Variants in SNX13 observed in about 807,000 individuals in gnomAD.
SNX13 encodes sorting nexin 13, also known as sorting nexin-13.
A neutral mutation model predicts 133.6 loss-of-function variants in SNX13; 45 were observed. The observed-to-expected ratio is 0.34, with a 90% confidence interval of 0.27 to 0.43. The LOEUF is 0.43. Ranked by LOEUF, SNX13 falls within the 20% of genes least tolerant of loss-of-function variation. The pLI, the probability that SNX13 is intolerant of heterozygous loss-of-function variation, is 1.00. For synonymous variants in SNX13, 414 were observed against 373.9 expected (o/e 1.11, Z -1.24); for missense variants, 1,032 against 1,145.1 (o/e 0.90, Z 1.43).
chr7:17,816,507 C>A (rs572926894), intron 18 of SNX13, among the ~76,000 whole-genome samples: 1 of 152,076 alleles, frequency 6.6e-6, no homozygotes, highest in South Asian at 2.1e-4. Flanking sequence ...ACTAAAAATA[C>A]AAAATTAGCT....
intron 1 of SNX13, among the ~76,000 whole-genome samples, chr7:17,912,865 C>T (rs1424803911): frequency 2.0e-5 from 3 of 152,128 alleles, no homozygotes; most frequent in South Asian, 2.1e-4. Context: ...AATTGAGTGG[C>T]GAGTGTGGAA....
At chr7:17,938,200 T>A (rs1005435342) in intron 1 of SNX13, among the ~76,000 whole-genome samples, 1 of 152,256 alleles carries the variant, frequency 6.6e-6, no homozygotes, top group Admixed American at 6.5e-5. Flanking sequence ...AAGTCTTTTT[T>A]AAGTAATAAT....
chr7:17,816,485 G>A (rs1251767096), intron 18 of SNX13, among the ~76,000 whole-genome samples, 196 bp from the exon 19 acceptor site: 2 of 152,156 alleles, frequency 1.3e-5, no homozygotes, highest in East Asian at 3.9e-4. Flanking sequence ...AACATAGAGA[G>A]ACCCTGTCTC....
intron 7 of SNX13, 21 bp downstream of exon 7, chr7:17,875,459 A>C (rs750642572): frequency 3.8e-6 from 6 of 1,598,448 alleles, no homozygotes; most frequent in Middle Eastern, 1.7e-4. Flanking sequence ...TATTGTCAAA[A>C]AAGTTAAATT....
intron 1 of SNX13, among the ~76,000 whole-genome samples, chr7:17,915,484 A>AC (rs1350433724): frequency 6.6e-6 from 1 of 152,212 alleles, no homozygotes; most frequent in East Asian, 1.9e-4. Context: ...CAACCGACAA[A>AC]CAACCCCAGG....
chr7:17,888,608 G>C (rs1368766912), intron 5 of SNX13: 1 of 458,712 alleles, frequency 2.2e-6, no homozygotes, highest in Non-Finnish European at 4.5e-6. Context: ...GTGTTGGATG[G>C]CATAAAAACT....
At chr7:17,821,790 G>T in intron 17 of SNX13, 142 bp from the exon 18 acceptor site, 1 of 899,572 alleles carries the variant, frequency 1.1e-6, no homozygotes, top group Non-Finnish European at 1.6e-6. Flanking sequence ...ATGACAGACT[G>T]AGACAGAAGG....
At chr7:17,808,444 A>G (rs558245884) in intron 20 of SNX13, among the ~76,000 whole-genome samples, 2 of 152,348 alleles carry the variant, frequency 1.3e-5, no homozygotes, top group East Asian at 3.9e-4. Flanking sequence ...TCCAAGAAAT[A>G]TGAGACTATG....
Position 17,940,411 on chromosome 7 carries a change from T to G in SNX13, c.-116A>C. On this transcript the variant is annotated 5_prime_UTR_variant, in exon 1 of 26. Coordinates refer to ENST00000428135, the MANE Select transcript of SNX13 (RefSeq NM_015132.5). ...GGCGGCAACTGCTCCTTCAGTCTTC[T>G]CCCGGGCGGCGGTTTTACTCGGCTT... The G allele has an allele frequency of 1.6e-6, 2 of 1,248,632 alleles. No homozygotes were observed. The highest frequency in any genetic ancestry group is 1.1e-6 in the Non-Finnish European group (1 of 877,008). The allele number at this position is 1,248,632 out of a possible 1,614,324, so 77.3% of individuals were successfully genotyped here.
At chr7:17,798,537 G>C (rs927652069) in intron 24 of SNX13, among the ~76,000 whole-genome samples, 153 bp downstream of exon 24, 4 of 151,814 alleles carry the variant, frequency 2.6e-5, no homozygotes, top group Admixed American at 6.6e-5. Flanking sequence ...TAAGACAAAT[G>C]TTTAGTATAA....
chr7:17,843,355 AAAAGAT>A (rs1790126481), intron 12 of SNX13, among the ~76,000 whole-genome samples: 1 of 152,074 alleles, frequency 6.6e-6, no homozygotes, highest in South Asian at 2.1e-4. Flanking sequence ...ATATATTAAT[AAAAGAT>A]TCAGCATAAC....
chr7:17,820,693 G>C (rs901488507), intron 18 of SNX13, among the ~76,000 whole-genome samples: 2 of 152,012 alleles, frequency 1.3e-5, no homozygotes, highest in African/African-American at 4.8e-5. Flanking sequence ...GATAATTTCT[G>C]ATTTCTAAAG....
At chr7:17,805,264 C>CGCGCGCGCGCAT (rs1272069293) in intron 20 of SNX13, among the ~76,000 whole-genome samples, 1 of 122,340 alleles carries the variant, frequency 8.2e-6, no homozygotes, top group Non-Finnish European at 1.7e-5. Context: ...TGCGCGCGCG[C>CGCGCGCGCGCAT]GCATGCATGC....
At chr7:17,940,126 T>C (rs1292999751) in intron 1 of SNX13, among the ~76,000 whole-genome samples, 158 bp downstream of exon 1, 1 of 151,572 alleles carries the variant, frequency 6.6e-6, no homozygotes, top group Non-Finnish European at 1.5e-5. Context: ...GCACAGCTCC[T>C]ACTCTGAGGG....
rs138553082 is a variant in SNX13 at position 17,819,516 on chromosome 7, C to T, written c.1845+1993G>A. Among the ~76,000 whole-genome samples, 761 of 152,172 alleles carry T rather than the reference C, an allele frequency of 5.0e-3. 5 individuals are homozygous for T. Among genetic ancestry groups the T allele is most frequent in the African/African-American group, 0.017 (717 of 41,502 alleles). On this transcript the variant is annotated intron_variant, in intron 18 of 25. Coordinates refer to ENST00000428135, the MANE Select transcript of SNX13 (RefSeq NM_015132.5). Reference sequence around the variant, plus strand: ...TGCTGGAATTACAGGCGTGAGGCACCGCGCTTGGCATTGGAAAAAATGTTG... The same window carrying T: ...TGCTGGAATTACAGGCGTGAGGCACTGCGCTTGGCATTGGAAAAAATGTTG...
At chr7:17,908,642 C>T (rs554473138) in intron 1 of SNX13, among the ~76,000 whole-genome samples, 24 of 152,288 alleles carry the variant, frequency 1.6e-4, no homozygotes, top group African/African-American at 5.1e-4. Context: ...AAGCTTCTTT[C>T]ATTCATTCAC....
chr7:17,877,820 C>T (rs146358172), intron 5 of SNX13, among the ~76,000 whole-genome samples: 208 of 151,872 alleles, frequency 1.4e-3, no homozygotes, highest in African/African-American at 4.0e-3. Context: ...AAAACAGTAC[C>T]GATATCTTAT....
chr7:17,824,980 G>C (rs575511804), intron 17 of SNX13, among the ~76,000 whole-genome samples: 1 of 152,096 alleles, frequency 6.6e-6, no homozygotes, highest in East Asian at 1.9e-4. Flanking sequence ...ATGTTGGCCA[G>C]TATGGTCTCA....
At chr7:17,902,629 C>G (rs1797957851) in intron 1 of SNX13, among the ~76,000 whole-genome samples, 1 of 151,978 alleles carries the variant, frequency 6.6e-6, no homozygotes, top group Admixed American at 6.6e-5. Flanking sequence ...ATATAAGAAA[C>G]CTTTCACAAA....
Sources: gnomAD v4.1 joint callset for allele counts (sites outside exome capture counted in the v4.1 genomes callset) on GRCh38, gnomAD v4.1.1 for gene constraint, MANE v1.5 for transcripts, NCBI Gene and HGNC (gene_info 2026-07-23, HGNC 2026-07-21) for gene names.